Variants in DAGLA observed in about 807,000 individuals in gnomAD.
DAGLA encodes diacylglycerol lipase-alpha.
A neutral mutation model predicts 102.6 loss-of-function variants in DAGLA; 22 were observed. That is an observed-to-expected ratio of 0.21 (90% CI 0.15 to 0.31). DAGLA has a LOEUF of 0.31. DAGLA is among the 10% of genes least tolerant of loss of function. The probability of loss-of-function intolerance (pLI) is 1.00; values close to 1 mark genes in which losing one functional copy is unlikely to be tolerated. For missense variants in DAGLA, 927 were observed against 1,446.6 expected (o/e 0.64, Z 5.83); for synonymous variants, 578 against 628.9 (o/e 0.92, Z 1.21).
Position 61,684,299 on chromosome 11 carries a change from G to A in DAGLA, c.-45+3795G>A, listed in dbSNP as rs562819617. On this transcript the variant is annotated intron_variant, in intron 1 of 19. Transcript: ENST00000257215. This position sits in a 1 kb window ranked among gnomAD's most constrained non-coding sequence, Gnocchi z 4.5. ...CTGGGGGAAATATCAATGAGCATGT[G>A]GTCAGAGGAAGATAAATCTTTTAGA... Among the ~76,000 whole-genome samples the A allele has an allele frequency of 9.2e-5, 14 of 152,342 alleles. No homozygotes were observed. In the South Asian group the frequency reaches 2.9e-3, roughly 32 times the overall value.
chr11:61,707,541 T>G (rs1288128435), intron 1 of DAGLA, among the ~76,000 whole-genome samples: 3 of 152,228 alleles, frequency 2.0e-5, no homozygotes, highest in African/African-American at 7.2e-5. Context: ...TCTTGGGAAC[T>G]ACAGTGTAAT....
intron 1 of DAGLA, among the ~76,000 whole-genome samples, chr11:61,719,085 G>A (rs2065261241): frequency 6.6e-6 from 1 of 152,214 alleles, no homozygotes; most frequent in Non-Finnish European, 1.5e-5. Context: ...TTAGTGCAGA[G>A]CTACCCTGGA....
rs1349830915 is a variant in DAGLA, at chr11:61,722,950, T to C, written c.399T>C (p.Asn133=). The change falls in exon 4 of 20, where the codon AAT becomes AAC. Residue 133 remains asparagine (N), a synonymous_variant. Transcript: ENST00000257215. The stretch of plus-strand genomic sequence containing the variant: ...CCTGCAACGACCTCACTGCCAAGAA[T>C]GTCACCCTCGGTACGTCTGGGTGAG... ...YTSCNDLTAK[N]VTLGMVVCNW... 1.2e-6 allele frequency: 2 copies of C among 1,613,676 alleles called. No individual in the cohort carries two copies. The highest frequency in any genetic ancestry group is 4.5e-5 in the East Asian group (2 of 44,876).
chr11:61,714,957 T>C (rs2065224791), intron 1 of DAGLA, among the ~76,000 whole-genome samples: 1 of 152,202 alleles, frequency 6.6e-6, no homozygotes, highest in South Asian at 2.1e-4. Flanking sequence ...AGTTACCAGA[T>C]GACAGGCGCT....
rs768786092 is a variant in DAGLA at position 61,743,742 on chromosome 11, G to T, written c.2382G>T (p.Ser794=). 1 of 1,612,074 alleles carries T rather than the reference G, an allele frequency of 6.2e-7. No individual in the cohort carries two copies. The highest frequency in any genetic ancestry group is 1.1e-5 in the South Asian group (1 of 91,060). ...CTGAGTCCCTGTACAGCTTCGACTC[G>T]CGCCGCTCCTCAGGCTTCCGCAGCA... ...SDTESLYSFD[S]RRSSGFRSIR... Residue 794 remains serine (S), a synonymous_variant, in exon 20 of 20, where the codon TCG becomes TCT. Transcript: ENST00000257215.
chr11:61,695,942 G>GTCCC (rs1591026613), intron 1 of DAGLA, among the ~76,000 whole-genome samples: 1 of 152,172 alleles, frequency 6.6e-6, no homozygotes, highest in East Asian at 1.9e-4. Context: ...CAGAGCCCAG[G>GTCCC]GGCTGTGGTG....
intron 19 of DAGLA, 56 bp downstream of exon 19, chr11:61,741,405 A>C: frequency 6.4e-7 from 1 of 1,551,796 alleles, no homozygotes; most frequent in Non-Finnish European, 8.7e-7. Context: ...CAGAGCACAT[A>C]GACTTGTGTG....
intron 3 of DAGLA, 57 bp from the exon 4 acceptor site, chr11:61,722,802 C>A: frequency 2.7e-6 from 4 of 1,466,638 alleles, no homozygotes; most frequent in Non-Finnish European, 3.8e-6. Flanking sequence ...GGGTTCTAGG[C>A]CCTTCCCTGG....
At chr11:61,730,395 A>G (rs2065363504) in intron 8 of DAGLA, among the ~76,000 whole-genome samples, 1 of 152,108 alleles carries the variant, frequency 6.6e-6, no homozygotes, top group Non-Finnish European at 1.5e-5. Flanking sequence ...TCTGACAGGG[A>G]GAGGATAATT....
At chr11:61,720,393 C>T (rs373712995) in intron 2 of DAGLA, 143 bp downstream of exon 2, 2 of 810,740 alleles carry the variant, frequency 2.5e-6, no homozygotes. Flanking sequence ...GTGCCTGAAA[C>T]ATCTAGCCCC....
chr11:61,708,831 G>A (rs1299855576), intron 1 of DAGLA, among the ~76,000 whole-genome samples: 2 of 152,206 alleles, frequency 1.3e-5, no homozygotes, highest in Admixed American at 1.3e-4. Context: ...GTAAATCAAG[G>A]CACTGGGACC....
intron 8 of DAGLA, 63 bp from the exon 9 acceptor site, chr11:61,731,254 T>C: frequency 6.3e-7 from 1 of 1,598,412 alleles, no homozygotes; most frequent in East Asian, 2.2e-5. Context: ...GGGGAACTGC[T>C]GGGCCCTGAG....
rs962925071 is a variant in DAGLA at position 61,726,205 on chromosome 11, G to A, written c.636+123G>A. 7.5e-5 allele frequency: 67 copies of A among 892,124 alleles called. 1 individual carries two copies. Among genetic ancestry groups the A allele is most frequent in the Middle Eastern group, 2.6e-4 (1 of 3,794 alleles). 55.3% of individuals were successfully genotyped at this position (892,124 alleles called of 1,614,324 possible). ...GGTGGGAAGGAGCTGGGTTTCCAGC[G>A]TGAGCAAGTATGGCCTGCTCACACA... On this transcript the variant is annotated intron_variant, in intron 6 of 19. Coordinates refer to ENST00000257215, the MANE Select transcript of DAGLA (RefSeq NM_006133.3).
chr11:61,717,376 C>T (rs2065243973), intron 1 of DAGLA, among the ~76,000 whole-genome samples: 1 of 152,140 alleles, frequency 6.6e-6, no homozygotes, highest in Admixed American at 6.5e-5. Context: ...ACCCCCACCC[C>T]AGACCTTGAC....
At chr11:61,701,947 T>C (rs1392089631) in intron 1 of DAGLA, among the ~76,000 whole-genome samples, 2 of 152,160 alleles carry the variant, frequency 1.3e-5, no homozygotes, top group Non-Finnish European at 2.9e-5. Flanking sequence ...GATAAATTTT[T>C]TTTTTTTTAA....
At chr11:61,690,434 C>T (rs141470111) in intron 1 of DAGLA, among the ~76,000 whole-genome samples, 72 of 152,304 alleles carry the variant, frequency 4.7e-4, no homozygotes, top group African/African-American at 1.7e-3. Flanking sequence ...ACCACTCTAC[C>T]AGCAGCCACA....
At chr11:61,691,359 T>C (rs548177595) in intron 1 of DAGLA, among the ~76,000 whole-genome samples, 1 of 152,394 alleles carries the variant, frequency 6.6e-6, no homozygotes, top group East Asian at 1.9e-4. Flanking sequence ...TGAAAGTGGC[T>C]GGCCTCATTG....
In DAGLA at chr11:61,743,597, T is replaced by C. The variant is rs764420571; in HGVS notation, c.2237T>C (p.Val746Ala). ...FSEGRLLSPV[V>A]AAAARQDPVE... The stretch of plus-strand genomic sequence containing the variant: ...GAGGGGCGGCTGCTGTCGCCAGTGG[T>C]TGCGGCGGCGGCCCGCCAGGACCCG... The change falls in exon 20 of 20, where the codon GTT (valine) becomes GCT (alanine). Residue 746 changes from valine to alanine, a missense_variant. Coordinates refer to ENST00000257215, the MANE Select transcript of DAGLA (RefSeq NM_006133.3). The C allele has an allele frequency of 8.9e-6, 14 of 1,570,030 alleles. No individual in the cohort carries two copies. Among genetic ancestry groups the C allele is most frequent in the Non-Finnish European group, 1.2e-5 (14 of 1,163,556 alleles).
rs777217374 is a variant in DAGLA, at chr11:61,744,225, G to A, written c.2865G>A (p.Gln955=). 1.9e-6 allele frequency: 3 copies of A among 1,613,048 alleles called. No homozygotes were observed. In the East Asian group the frequency reaches 6.7e-5, roughly 36 times the overall value. The change falls in exon 20 of 20, where the codon CAG becomes CAA. Residue 955 remains glutamine (Q), a synonymous_variant. Transcript: ENST00000257215. ...DYAEGPKSPS[Q]QEILLRAQFE... is the part of the protein sequence containing the mutation. ...CTGAGGGCCCCAAGTCCCCCAGCCA[G>A]CAAGAGATCCTGCTCCGTGCCCAGT...
Sources: gnomAD v4.1 joint callset for allele counts (sites outside exome capture counted in the v4.1 genomes callset) on GRCh38, gnomAD v4.1.1 for gene constraint, Gnocchi (gnomAD v3.1) non-coding constraint, MANE v1.5 for transcripts, NCBI Gene and HGNC (gene_info 2026-07-23, HGNC 2026-07-21) for gene names.